The following GABRG3 variants were observed in gnomAD, a reference collection of about 807,000 sequenced individuals.
The protein encoded by GABRG3 is gamma-aminobutyric acid type A receptor subunit gamma3, also known as gamma-aminobutyric acid receptor subunit gamma-3.
GABRG3 carries 25 observed loss-of-function variants against 48.8 expected under a neutral mutation model. That is an observed-to-expected ratio of 0.51 (90% CI 0.37 to 0.72). The LOEUF is 0.72. Among genes scored for constraint, GABRG3 ranks in the 30% least tolerant of loss-of-function variants. GABRG3 has a pLI of 0.00. For missense variants in GABRG3, 394 were observed against 577.9 expected (o/e 0.68, Z 3.26); for synonymous variants, 227 against 217.6 (o/e 1.04, Z -0.38).
chr15:27,118,554 A>T (rs1897681469), intron 3 of GABRG3, among the ~76,000 whole-genome samples: 1 of 152,156 alleles, frequency 6.6e-6, no homozygotes, highest in South Asian at 2.1e-4. Context: ...TCAATTTGTG[A>T]ATCACCCAGT....
In GABRG3 at chr15:27,536,892, TCTTC is replaced by T. The variant is rs1891558430; in HGVS notation, c.*4015_*4018del. 6.6e-6 allele frequency: 1 copy of T among 152,144 alleles called. No homozygotes were observed. Among genetic ancestry groups the T allele is most frequent in the Non-Finnish European group, 1.5e-5 (1 of 68,026 alleles). The allele number at this position is 152,144 out of a possible 1,614,324, so 9.4% of individuals were successfully genotyped here. A position where few individuals can be genotyped will look rare whatever the true frequency, so the allele number is the denominator to read the frequency against. The stretch of plus-strand genomic sequence containing the variant: ...AGAACACAAAACAGACAAAACCTCT[TCTTC>T]CTTGATCATTTTTATCTCAGCTGCC... On this transcript the variant is annotated 3_prime_UTR_variant, in exon 10 of 10. Transcript: ENST00000615808.
At chr15:27,002,598 T>C (rs917105074) in intron 2 of GABRG3, among the ~76,000 whole-genome samples, 1 of 152,028 alleles carries the variant, frequency 6.6e-6, no homozygotes, top group African/African-American at 2.4e-5. Context: ...ATGTGCGGAA[T>C]AGTATAAAAA....
At chr15:27,473,406 G>A (rs1455170196) in intron 5 of GABRG3, among the ~76,000 whole-genome samples, 1 of 152,172 alleles carries the variant, frequency 6.6e-6, no homozygotes, top group Non-Finnish European at 1.5e-5. Context: ...AAAGTGCTAT[G>A]TAATTGTTCA....
chr15:27,034,728 C>A (rs1458005275), intron 3 of GABRG3, among the ~76,000 whole-genome samples: 2 of 152,194 alleles, frequency 1.3e-5, no homozygotes, highest in East Asian at 3.8e-4. Flanking sequence ...CTTACTTACC[C>A]CAATCATCCA....
intron 3 of GABRG3, among the ~76,000 whole-genome samples, chr15:27,169,635 C>T (rs1887497338): frequency 6.6e-6 from 1 of 152,156 alleles, no homozygotes; most frequent in Non-Finnish European, 1.5e-5. Context: ...CATAGCCCAG[C>T]CTCTTTAGAT....
intron 3 of GABRG3, among the ~76,000 whole-genome samples, chr15:27,162,096 T>C (rs1887213121): frequency 1.3e-5 from 2 of 152,206 alleles, no homozygotes; most frequent in Non-Finnish European, 2.9e-5. Context: ...TACAGCTTAC[T>C]AGTACTGAAG....
intron 5 of GABRG3, among the ~76,000 whole-genome samples, chr15:27,402,661 A>C (rs116771827): frequency 2.0e-5 from 3 of 152,250 alleles, no homozygotes; most frequent in African/African-American, 7.2e-5. Flanking sequence ...TTGTGCTCCT[A>C]GTTACCCAGA....
chr15:27,150,575 A>G (rs1165799984), intron 3 of GABRG3, among the ~76,000 whole-genome samples: 1 of 152,246 alleles, frequency 6.6e-6, no homozygotes. Context: ...AGCACTCACA[A>G]CAACTTCTAT....
chr15:27,139,746 G>A (rs1190143450), intron 3 of GABRG3, among the ~76,000 whole-genome samples: 1 of 152,146 alleles, frequency 6.6e-6, no homozygotes, highest in Non-Finnish European at 1.5e-5. Context: ...AATGTGTTTT[G>A]TATGCTAATG....
intron 3 of GABRG3, among the ~76,000 whole-genome samples, chr15:27,262,909 T>C (rs28499121): frequency 0.14 from 21,513 of 152,214 alleles, 3,145 homozygotes; most frequent in African/African-American, 0.37. Context: ...CCTAGTGCTA[T>C]TTTCTGCAAG....
At chr15:27,115,279 C>T (rs1214418426) in intron 3 of GABRG3, among the ~76,000 whole-genome samples, 2 of 152,056 alleles carry the variant, frequency 1.3e-5, no homozygotes, top group Admixed American at 6.6e-5. Flanking sequence ...AGAATATCCA[C>T]GGCAGTTAAA....
chr15:27,201,411 GAGAA>G (rs1306717965), intron 3 of GABRG3, among the ~76,000 whole-genome samples: 2 of 151,124 alleles, frequency 1.3e-5, no homozygotes, highest in Non-Finnish European at 2.9e-5. Context: ...AGAGAGAGAA[GAGAA>G]AGAGAAGAAG....
chr15:27,388,242 G>A (rs370546266), intron 5 of GABRG3, among the ~76,000 whole-genome samples: 4 of 42,530 alleles, frequency 9.4e-5, no homozygotes, highest in East Asian at 1.4e-3. Context: ...AGGAGGGAGG[G>A]AGGAAAGGAA....
At chr15:27,478,059 AAAAGAAAG>A (rs1001533877) in intron 5 of GABRG3, among the ~76,000 whole-genome samples, 2 of 151,088 alleles carry the variant, frequency 1.3e-5, no homozygotes, top group African/African-American at 4.9e-5. Context: ...AAAAAAAAAA[AAAAGAAAG>A]AAAGAAAGAA....
At chr15:27,095,196 T>G (rs1178282569) in intron 3 of GABRG3, among the ~76,000 whole-genome samples, 1 of 152,240 alleles carries the variant, frequency 6.6e-6, no homozygotes, top group East Asian at 1.9e-4. Context: ...CACCGTCATG[T>G]CAGCAGCAAA....
Position 27,245,198 on chromosome 15 carries a change from G to A in GABRG3, c.271-81611G>A, listed in dbSNP as rs139923131. 5.2e-3 allele frequency among the ~76,000 whole-genome samples: 790 copies of A among 152,320 alleles called. 5 individuals carry two copies. The highest frequency in any genetic ancestry group is 7.0e-3 in the Non-Finnish European group (479 of 68,030). On this transcript the variant is annotated intron_variant, in intron 3 of 9. Transcript: ENST00000615808. ...GTGAGGCATAGCCAGGCCTTGGAAG[G>A]TGACGATTCTGGGCAGGTAGCAGGT... is the stretch of plus-strand genomic sequence containing the variant.
intron 5 of GABRG3, among the ~76,000 whole-genome samples, chr15:27,411,331 G>T (rs917812023): frequency 6.6e-6 from 1 of 152,106 alleles, no homozygotes; most frequent in Non-Finnish European, 1.5e-5. Flanking sequence ...ATCCTCCAAA[G>T]CTCCTAACCC....
chr15:27,353,244 C>T (rs1419135330), intron 5 of GABRG3, among the ~76,000 whole-genome samples: 1 of 151,878 alleles, frequency 6.6e-6, no homozygotes, highest in African/African-American at 2.4e-5. Context: ...CAGTCCTAAC[C>T]ATGGCCCCAA....
intron 5 of GABRG3, among the ~76,000 whole-genome samples, chr15:27,353,703 A>T (rs905718282): frequency 6.6e-6 from 1 of 152,030 alleles, no homozygotes; most frequent in African/African-American, 2.4e-5. Context: ...CTCACCTCTC[A>T]AAGTGCTGGG....
Sources: gnomAD v4.1 joint callset for allele counts (sites outside exome capture counted in the v4.1 genomes callset) on GRCh38, gnomAD v4.1.1 for gene constraint, MANE v1.5 for transcripts, NCBI Gene and HGNC (gene_info 2026-07-23, HGNC 2026-07-21) for gene names.